The following TTC17 variants were observed in gnomAD, a reference collection of about 807,000 sequenced individuals.
The protein encoded by TTC17 is tetratricopeptide repeat domain 17.
In TTC17, 58 loss-of-function variants were observed where a neutral mutation model predicts 143.8. That is an observed-to-expected ratio of 0.40 (90% confidence interval 0.33 to 0.50). The LOEUF (loss-of-function observed/expected upper bound fraction) is 0.50, where lower values mean the gene tolerates loss of function less well. TTC17 is among the 20% of genes least tolerant of loss of function. The probability of loss-of-function intolerance (pLI) is 0.49; values close to 1 mark genes in which losing one functional copy is unlikely to be tolerated. For missense variants in TTC17, 1,273 were observed against 1,392.5 expected (o/e 0.91, Z 1.37); for synonymous variants, 501 against 497.8 (o/e 1.01, Z -0.09).
At chr11:43,491,429 G>GAAT (rs1948472588) in intron 22 of TTC17, 1 of 152,320 alleles carries the variant, frequency 6.6e-6, no homozygotes, top group African/African-American at 2.4e-5. Flanking sequence ...AAGGGCAAGA[G>GAAT]AATAAAACAC....
At chr11:43,482,828 G>T (rs146380570) in intron 21 of TTC17, among the ~76,000 whole-genome samples, 2 of 151,880 alleles carry the variant, frequency 1.3e-5, no homozygotes, top group Non-Finnish European at 2.9e-5. Flanking sequence ...GTAAGTTTTC[G>T]ATTTGTGTAT....
chr11:43,383,438 G>A (rs1035556930), intron 2 of TTC17, among the ~76,000 whole-genome samples: 2 of 152,024 alleles, frequency 1.3e-5, no homozygotes, highest in Non-Finnish European at 2.9e-5. Context: ...TGCAGCCTCC[G>A]CCTCCTGGGG....
intron 1 of TTC17, among the ~76,000 whole-genome samples, chr11:43,374,014 G>T (rs1856669696): frequency 6.6e-6 from 1 of 152,156 alleles, no homozygotes; most frequent in Non-Finnish European, 1.5e-5. Context: ...GAATGATAAT[G>T]CTTTAGCAGA....
At chr11:43,481,061 AG>A (rs1948277681) in intron 21 of TTC17, among the ~76,000 whole-genome samples, 1 of 758 alleles carries the variant, frequency 1.3e-3, no homozygotes, top group African/African-American at 2.9e-3. Context: ...AAAAGGAGGT[AG>A]TAGGCATAGT....
rs763358833 is a variant in TTC17, at chr11:43,444,118, A to T, written c.2574A>T (p.Lys858Asn). ...PKGDHKKTPGKKVETGQIENG... is the reference protein window; with the variant it reads ...PKGDHKKTPGNKVETGQIENG... Reference sequence around the variant, plus strand: ...GAGATCATAAGAAAACTCCTGGGAAAAAAGTAGAAACAGGTCAGATAGAAA... The same window carrying T: ...GAGATCATAAGAAAACTCCTGGGAATAAAGTAGAAACAGGTCAGATAGAAA... Residue 858 changes from lysine (K) to asparagine (N), a missense_variant, in exon 18 of 24, where the codon AAA becomes AAT. Lys to Asn is a moderately conservative substitution (Grantham distance 94). Transcript: ENST00000039989. The T allele has an allele frequency of 6.8e-6, 11 of 1,613,400 alleles. No individual in the cohort carries two copies. The highest frequency in any genetic ancestry group is 7.6e-6 in the Non-Finnish European group (9 of 1,179,720).
At chr11:43,433,015 T>G (rs1325148264) in intron 16 of TTC17, among the ~76,000 whole-genome samples, 1 of 152,204 alleles carries the variant, frequency 6.6e-6, no homozygotes, top group African/African-American at 2.4e-5. Flanking sequence ...TGTTTTGTTT[T>G]GTTGGAGATG....
chr11:43,462,597 G>A (rs754963900), intron 21 of TTC17, among the ~76,000 whole-genome samples: 1 of 152,204 alleles, frequency 6.6e-6, no homozygotes, highest in Non-Finnish European at 1.5e-5. Flanking sequence ...CCTGCCTTAA[G>A]AGCTGTGAAG....
intron 21 of TTC17, among the ~76,000 whole-genome samples, chr11:43,452,345 CA>C (rs1211676991): frequency 3.3e-5 from 5 of 151,924 alleles, no homozygotes; most frequent in African/African-American, 1.2e-4. Context: ...ACTAAAAATA[CA>C]AAAATCAGCC....
intron 21 of TTC17, among the ~76,000 whole-genome samples, chr11:43,458,357 A>G (rs1455527114): frequency 6.6e-6 from 1 of 152,204 alleles, no homozygotes; most frequent in Non-Finnish European, 1.5e-5. Flanking sequence ...TCTCTGGCAC[A>G]GTAATAAGCA....
At chr11:43,465,373 A>G (rs777562146) in intron 21 of TTC17, among the ~76,000 whole-genome samples, 1 of 152,246 alleles carries the variant, frequency 6.6e-6, no homozygotes, top group African/African-American at 2.4e-5. Context: ...GAAAGGGCAG[A>G]CAATAGAAAT....
chr11:43,371,025 G>T lies in TTC17; in HGVS notation c.160-8208G>T, dbSNP rs115305760. Among the ~76,000 whole-genome samples, 109 of 40,734 alleles carry T rather than the reference G, an allele frequency of 2.7e-3. 1 individual carries two copies. Among genetic ancestry groups the T allele is most frequent in the East Asian group, 0.019 (63 of 3,330 alleles). The allele number at this position is 40,734 out of a possible 152,430, so 26.7% of individuals were successfully genotyped here. A position where few individuals can be genotyped will look rare whatever the true frequency, so the allele number is the denominator to read the frequency against. On this transcript the variant is annotated intron_variant, in intron 1 of 23. Coordinates refer to ENST00000039989, the MANE Select transcript of TTC17 (RefSeq NM_018259.6). Reference sequence around the variant, plus strand: ...CTATGTTGTTCGGGGAGGGGAGGTGGGGGGGGGGGTCTTGAACTTATCTCA... The same window carrying T: ...CTATGTTGTTCGGGGAGGGGAGGTGTGGGGGGGGGTCTTGAACTTATCTCA...
chr11:43,367,885 C>T (rs559557073), intron 1 of TTC17, among the ~76,000 whole-genome samples: 2 of 152,176 alleles, frequency 1.3e-5, no homozygotes, highest in African/African-American at 2.4e-5. Context: ...GCTCAGTTCT[C>T]ACTAATCTTA....
intron 16 of TTC17, among the ~76,000 whole-genome samples, chr11:43,420,438 A>C (rs1946875430): frequency 6.6e-6 from 1 of 152,224 alleles, no homozygotes; most frequent in Admixed American, 6.5e-5. Flanking sequence ...TATAGGGTGC[A>C]GTCATAATGA....
At chr11:43,364,920 C>T (rs562017060) in intron 1 of TTC17, among the ~76,000 whole-genome samples, 75 of 152,232 alleles carry the variant, frequency 4.9e-4, no homozygotes, top group East Asian at 1.2e-3. Context: ...GTTTTCCTGC[C>T]TCAGCCTCCT....
At chr11:43,396,519 A>AT in intron 5 of TTC17, 190 bp from the exon 6 acceptor site, 1 of 376,198 alleles carries the variant, frequency 2.7e-6, no homozygotes, top group Non-Finnish European at 4.8e-6. Flanking sequence ...TCAGCTGATG[A>AT]TTAGAATGCT....
intron 16 of TTC17, among the ~76,000 whole-genome samples, chr11:43,424,935 A>G (rs60253261): frequency 0.021 from 3,222 of 152,210 alleles, 67 homozygotes; most frequent in East Asian, 0.11. Flanking sequence ...TATTTTTAAT[A>G]TGGTTTGTTG....
chr11:43,418,424 G>A (rs926578835), intron 16 of TTC17, among the ~76,000 whole-genome samples: 1 of 151,948 alleles, frequency 6.6e-6, no homozygotes, highest in African/African-American at 2.4e-5. Flanking sequence ...TTTCAGTTTC[G>A]ATTAAACATC....
chr11:43,415,982 CTTTT>C (rs915669720), intron 16 of TTC17, among the ~76,000 whole-genome samples: 1 of 152,022 alleles, frequency 6.6e-6, no homozygotes, highest in African/African-American at 2.4e-5. Flanking sequence ...CCATTACTTT[CTTTT>C]TTATTTTTAA....
At chr11:43,420,364 A>G (rs1475100004) in intron 16 of TTC17, among the ~76,000 whole-genome samples, 1 of 152,216 alleles carries the variant, frequency 6.6e-6, no homozygotes, top group African/African-American at 2.4e-5. Context: ...TATAATCACT[A>G]CACTTTTTAT....
Sources: gnomAD v4.1 joint callset for allele counts (sites outside exome capture counted in the v4.1 genomes callset) on GRCh38, gnomAD v4.1.1 for gene constraint, MANE v1.5 for transcripts, NCBI Gene and HGNC (gene_info 2026-07-23, HGNC 2026-07-21) for gene names.